The following TMEM132D variants were observed in gnomAD, a reference collection of about 807,000 sequenced individuals.
TMEM132D encodes the protein mature OL transmembrane protein.
TMEM132D carries 21 observed loss-of-function variants against 62.3 expected under a neutral mutation model. The ratio of observed to expected loss-of-function variants is 0.34; its 90% CI spans 0.24 to 0.49. The LOEUF is 0.49. Among genes scored for constraint, TMEM132D ranks in the 20% least tolerant of loss-of-function variants. TMEM132D has a pLI of 0.99. For synonymous variants in TMEM132D, 621 were observed against 575.6 expected, an observed-to-expected ratio of 1.08 and a Z score of -1.13; for missense variants, 1,346 against 1,402.8, an observed-to-expected ratio of 0.96 and a Z score of 0.65.
intron 5 of TMEM132D, among the ~76,000 whole-genome samples, chr12:129,136,190 A>G (rs925125591): frequency 1.3e-5 from 2 of 152,226 alleles, no homozygotes; most frequent in African/African-American, 4.8e-5. Context: ...TTGAAAATAT[A>G]GAACAGAGAG....
intron 3 of TMEM132D, among the ~76,000 whole-genome samples, chr12:129,463,705 A>G (rs1873769705): frequency 6.7e-6 from 1 of 149,670 alleles, no homozygotes; most frequent in Non-Finnish European, 1.5e-5. Context: ...ATTCCCACCT[A>G]TGAGTGAGAA....
chr12:129,320,895 G>A (rs761981297), intron 4 of TMEM132D, among the ~76,000 whole-genome samples: 4 of 152,064 alleles, frequency 2.6e-5, no homozygotes, highest in South Asian at 4.1e-4. Context: ...TGCGAAAGAG[G>A]AGTACCAATA....
chr12:129,674,713 G>A (rs1880587452), intron 2 of TMEM132D, among the ~76,000 whole-genome samples: 1 of 151,998 alleles, frequency 6.6e-6, no homozygotes, highest in Non-Finnish European at 1.5e-5. Flanking sequence ...CTAATTTTTT[G>A]TATTTTTAGT....
chr12:129,337,081 T>C (rs1000546463), intron 4 of TMEM132D, among the ~76,000 whole-genome samples: 8 of 152,054 alleles, frequency 5.3e-5, no homozygotes, highest in Non-Finnish European at 1.2e-4. Context: ...CAGTAACCAG[T>C]TTAGTGTCAC....
intron 3 of TMEM132D, among the ~76,000 whole-genome samples, chr12:129,493,783 G>T (rs935285215): frequency 6.6e-6 from 1 of 152,180 alleles, no homozygotes; most frequent in East Asian, 1.9e-4. Context: ...AGCCAAGCAG[G>T]CAGGCTGCCT....
At chr12:129,107,451 T>C (rs933640128) in intron 5 of TMEM132D, among the ~76,000 whole-genome samples, 5 of 152,204 alleles carry the variant, frequency 3.3e-5, no homozygotes, top group Admixed American at 1.3e-4. Context: ...TGAGAAAACA[T>C]CTCTTCACAG....
intron 5 of TMEM132D, among the ~76,000 whole-genome samples, chr12:129,131,390 T>G (rs1239516725): frequency 6.6e-6 from 1 of 152,158 alleles, no homozygotes; most frequent in African/African-American, 2.4e-5. Flanking sequence ...GCGGATTGCT[T>G]GAGGCCAGGC....
At chr12:129,168,578 C>T (rs1475282983) in intron 5 of TMEM132D, among the ~76,000 whole-genome samples, 2 of 152,154 alleles carry the variant, frequency 1.3e-5, no homozygotes, top group Admixed American at 6.6e-5. Context: ...CAAGGTCCAC[C>T]TGTATTGTGG....
chr12:129,320,011 C>A (rs1485503699), intron 4 of TMEM132D, among the ~76,000 whole-genome samples: 2 of 152,196 alleles, frequency 1.3e-5, no homozygotes, highest in African/African-American at 4.8e-5. Flanking sequence ...TGTACAAGAA[C>A]AATCACCATG....
intron 1 of TMEM132D, among the ~76,000 whole-genome samples, chr12:129,839,116 A>ACTTTTTTTTTTT (rs1224483461): frequency 3.1e-4 from 2 of 6,448 alleles, no homozygotes; most frequent in Non-Finnish European, 7.4e-4. Flanking sequence ...ACGCCTGGCT[A>ACTTTTTTTTTTT]ATTTTTTTTT....
intron 3 of TMEM132D, among the ~76,000 whole-genome samples, chr12:129,483,077 AAAAG>A (rs993514666): frequency 1.3e-5 from 2 of 152,246 alleles, no homozygotes; most frequent in African/African-American, 4.8e-5. Context: ...GAGCTTAACA[AAAAG>A]AAAGAAAATT....
chr12:129,511,802 T>A (rs983358536), intron 3 of TMEM132D, among the ~76,000 whole-genome samples: 1 of 152,238 alleles, frequency 6.6e-6, no homozygotes, highest in Non-Finnish European at 1.5e-5. Context: ...GTTTATATAT[T>A]GTTTTCACTT....
intron 1 of TMEM132D, among the ~76,000 whole-genome samples, chr12:129,902,805 G>A (rs1393433903): frequency 6.6e-6 from 1 of 152,012 alleles, no homozygotes; most frequent in Non-Finnish European, 1.5e-5. Flanking sequence ...CATACAACAG[G>A]AGTGCTCCAA....
intron 1 of TMEM132D, among the ~76,000 whole-genome samples, chr12:129,862,215 C>T (rs918009739): frequency 6.6e-6 from 1 of 152,308 alleles, no homozygotes; most frequent in Admixed American, 6.5e-5. Flanking sequence ...ACCTGTTGGC[C>T]AGTTACAGAA....
chr12:129,283,054 A>C (rs1484955883), intron 4 of TMEM132D, among the ~76,000 whole-genome samples: 1 of 152,176 alleles, frequency 6.6e-6, no homozygotes, highest in African/African-American at 2.4e-5. Context: ...GGGATTTGCC[A>C]GGCAGGAGCT....
At chr12:129,545,500 A>G (rs1225500336) in intron 2 of TMEM132D, among the ~76,000 whole-genome samples, 3 of 152,054 alleles carry the variant, frequency 2.0e-5, no homozygotes, top group Non-Finnish European at 4.4e-5. Flanking sequence ...CCTTAGACAC[A>G]TTTTTAGGTG....
intron 1 of TMEM132D, among the ~76,000 whole-genome samples, chr12:129,793,750 C>G (rs1475862624): frequency 6.6e-6 from 1 of 152,168 alleles, no homozygotes; most frequent in Admixed American, 6.5e-5. Context: ...TTCCGCTTAT[C>G]TGAAATTTAG....
chr12:129,676,006 A>G (rs1880620145), intron 2 of TMEM132D, among the ~76,000 whole-genome samples: 1 of 152,234 alleles, frequency 6.6e-6, no homozygotes, highest in Non-Finnish European at 1.5e-5. Context: ...CTTTAAATTA[A>G]TCAAATCTTT....
At position 129,073,880 on chromosome 12, in the gene TMEM132D, C is replaced by T. The variant is rs1444847140; in HGVS notation, c.3295G>A (p.Val1099Met). The T allele has an allele frequency of 1.3e-6, 2 of 1,532,388 alleles. No homozygotes were observed. The highest frequency in any genetic ancestry group is 1.4e-5 in the African/African-American group (1 of 72,126). The allele number at this position is 1,532,388 out of a possible 1,614,324, so 94.9% of individuals were successfully genotyped here. ...AATGTCTGTGTGTGTCTGGCTTACA[C>T]ATTTTCATGTAACCTCTCCATGTAG... The part of the protein sequence containing the change: ...HNYMERLHEN[V>M] Residue 1099 changes from valine (V) to methionine (M), a missense_variant, in exon 9 of 9, where the codon GTG becomes ATG. Coordinates refer to ENST00000422113, the MANE Select transcript of TMEM132D (RefSeq NM_133448.3).
Sources: allele counts gnomAD v4.1 joint callset (sites outside exome capture counted in the v4.1 genomes callset), GRCh38; gene constraint gnomAD v4.1.1; transcripts MANE v1.5; gene names NCBI Gene and HGNC (gene_info 2026-07-23, HGNC 2026-07-21).